WDSUB1: variants seen among roughly 807,000 people sequenced by gnomAD.
The protein encoded by WDSUB1 is WD repeat, sterile alpha motif and U-box domain containing 1.
WDSUB1 carries 49 observed loss-of-function variants against 53.9 expected under a neutral mutation model. The observed-to-expected ratio is 0.91, with a 90% confidence interval of 0.72 to 1.15. The LOEUF (loss-of-function observed/expected upper bound fraction) is 1.15. WDSUB1 is among the 50% of genes most tolerant of loss of function. WDSUB1 has a pLI of 0.00. For synonymous variants in WDSUB1, 194 were observed against 200.6 expected (o/e 0.97, Z 0.28); for missense variants, 514 against 562.0 (o/e 0.91, Z 0.86).
At chr2:159,267,975 C>T (rs530749112) in intron 5 of WDSUB1, among the ~76,000 whole-genome samples, 2 of 152,284 alleles carry the variant, frequency 1.3e-5, no homozygotes, top group African/African-American at 4.8e-5. Context: ...CCCAAAAGCA[C>T]TTGATAATGT....
intron 10 of WDSUB1, among the ~76,000 whole-genome samples, chr2:159,247,490 C>T (rs2060825576): frequency 6.6e-6 from 1 of 151,894 alleles, no homozygotes; most frequent in African/African-American, 2.4e-5. Context: ...ACAATGATCA[C>T]AAAACTGGAA....
At chr2:159,281,193 G>A (rs559579949) in intron 2 of WDSUB1, among the ~76,000 whole-genome samples, 25 of 152,242 alleles carry the variant, frequency 1.6e-4, no homozygotes, top group African/African-American at 5.1e-4. Flanking sequence ...ACTTAAAAGC[G>A]CATGGTTTCT....
intron 5 of WDSUB1, among the ~76,000 whole-genome samples, chr2:159,267,740 C>G (rs781358675): frequency 1.3e-5 from 2 of 152,172 alleles, no homozygotes; most frequent in African/African-American, 2.4e-5. Flanking sequence ...CGTATTCATT[C>G]TATCTTATCA....
chr2:159,248,436 TC>T lies in WDSUB1; in HGVS notation c.1208del (p.Gly403GlufsTer10), dbSNP rs1218257452. On this transcript the variant is annotated frameshift_variant, in exon 10 of 11. Transcript: ENST00000359774. LOFTEE classifies it high-confidence loss of function. ...TTGGACATATAAATTCATCAGGAAT[TC>T]CTGAAGAAAGGGATTTAACCTTGGT... Reference protein sequence around the residue: ...LRTKVKSLSSGIPDEFICPIT... With the variant: ...LRTKVKSLSSXIPDEFICPIT... 3 of 1,607,906 alleles carry T rather than the reference TC, an allele frequency of 1.9e-6. No homozygotes were observed. Among genetic ancestry groups the T allele is most frequent in the Non-Finnish European group, 2.5e-6 (3 of 1,178,162 alleles).
Position 159,283,098 on chromosome 2 carries a change from A to C in WDSUB1, c.-24-5T>G. On this transcript the variant is annotated splice_region_variant and splice_polypyrimidine_tract_variant and intron_variant, in intron 1 of 10. Transcript: ENST00000359774. ...CTTTATTTGAAGAAAAACAGCCTGA[A>C]ATTTTTAAGCAGATAAAGATTATTT... The C allele has an allele frequency of 6.3e-7, 1 of 1,577,018 alleles. No homozygotes were observed. The highest frequency in any genetic ancestry group is 8.6e-7 in the Non-Finnish European group (1 of 1,159,378).
At chr2:159,274,009 G>A (rs1274924029) in intron 4 of WDSUB1, among the ~76,000 whole-genome samples, 2 of 152,122 alleles carry the variant, frequency 1.3e-5, no homozygotes, top group Non-Finnish European at 2.9e-5. Flanking sequence ...GATTCCCCAT[G>A]AAAATGTCAA....
chr2:159,246,792 G>T (rs2060808366), intron 10 of WDSUB1, among the ~76,000 whole-genome samples: 1 of 152,132 alleles, frequency 6.6e-6, no homozygotes, highest in African/African-American at 2.4e-5. Context: ...TCTATGCAAG[G>T]AAACATTACT....
chr2:159,247,894 T>TATATATATAAAAATATATATATATATAA (rs2060840042), intron 10 of WDSUB1, among the ~76,000 whole-genome samples: 4 of 43,832 alleles, frequency 9.1e-5, no homozygotes, highest in Non-Finnish European at 1.6e-4. Context: ...TAAATATATA[T>TATATATATAAAAATATATATATATATAA]ATATATATAT....
At chr2:159,252,978 G>A (rs1273086137) in intron 9 of WDSUB1, among the ~76,000 whole-genome samples, 1 of 152,104 alleles carries the variant, frequency 6.6e-6, no homozygotes, top group Admixed American at 6.6e-5. Context: ...GTCATTTTAA[G>A]TTTCTATCAT....
chr2:159,236,651 G>T (rs1034168797), intron 10 of WDSUB1, among the ~76,000 whole-genome samples: 5 of 149,272 alleles, frequency 3.3e-5, no homozygotes, highest in African/African-American at 1.3e-4. Flanking sequence ...AGGGACTTAG[G>T]TTTTTTTGTT....
intron 10 of WDSUB1, among the ~76,000 whole-genome samples, chr2:159,244,486 A>C (rs887051025): frequency 3.3e-5 from 5 of 152,084 alleles, no homozygotes; most frequent in Non-Finnish European, 7.4e-5. Context: ...AGGGGACAGG[A>C]TGTGTGGTGT....
intron 10 of WDSUB1, among the ~76,000 whole-genome samples, chr2:159,241,309 A>ATGAT (rs1421467255): frequency 6.6e-6 from 1 of 152,206 alleles, no homozygotes; most frequent in African/African-American, 2.4e-5. Flanking sequence ...GTAACATAAG[A>ATGAT]TGATTCTAAA....
chr2:159,246,113 TAGTCAAG>T (rs1290921342), intron 10 of WDSUB1, among the ~76,000 whole-genome samples: 3 of 152,036 alleles, frequency 2.0e-5, no homozygotes, highest in African/African-American at 7.2e-5. Flanking sequence ...TCAACATCAT[TAGTCAAG>T]AGGGAAATGC....
chr2:159,242,726 A>G (rs1341874313), intron 10 of WDSUB1, among the ~76,000 whole-genome samples: 1 of 148,046 alleles, frequency 6.8e-6, no homozygotes, highest in Admixed American at 6.6e-5. Context: ...AAATAACTAG[A>G]AGGATACACC....
intron 3 of WDSUB1, among the ~76,000 whole-genome samples, chr2:159,279,216 AAG>A (rs2061602743): frequency 6.6e-6 from 1 of 152,228 alleles, no homozygotes; most frequent in Admixed American, 6.5e-5. Flanking sequence ...ACTCTAAAGA[AAG>A]AACTTTCCAA....
Position 159,244,862 on chromosome 2 carries a change from C to T in WDSUB1, c.1273+3510G>A, listed in dbSNP as rs2060752694. On this transcript the variant is annotated intron_variant, in intron 10 of 10. Transcript: ENST00000359774. ...GAAGGATTGCTTGAGCCCAGGAGGT[C>T]GAAACTGCAGTGAGTTAAGATTGTG... is the stretch of plus-strand genomic sequence containing the variant. Among the ~76,000 whole-genome samples, 5 of 152,102 alleles carry T rather than the reference C, an allele frequency of 3.3e-5. No individual in the cohort carries two copies. In the South Asian group the frequency reaches 6.2e-4, roughly 19 times the overall value.
At chr2:159,282,553 A>G in intron 2 of WDSUB1, 119 bp downstream of exon 2, 1 of 1,216,470 alleles carries the variant, frequency 8.2e-7, no homozygotes, top group Non-Finnish European at 1.1e-6. Context: ...TCATCAAAAT[A>G]TTTTTCTTTT....
At chr2:159,269,337 A>C (rs1001612460) in intron 5 of WDSUB1, among the ~76,000 whole-genome samples, 5 of 151,888 alleles carry the variant, frequency 3.3e-5, no homozygotes, top group African/African-American at 1.2e-4. Flanking sequence ...TGCCTGGCTA[A>C]TTTTTGTATT....
At chr2:159,253,028 C>T (rs2060983548) in intron 9 of WDSUB1, among the ~76,000 whole-genome samples, 1 of 152,214 alleles carries the variant, frequency 6.6e-6, no homozygotes, top group Non-Finnish European at 1.5e-5. Flanking sequence ...AGATACGTAG[C>T]AATCTGCCGC....
Sources: allele counts gnomAD v4.1 joint callset (sites outside exome capture counted in the v4.1 genomes callset), GRCh38; gene constraint gnomAD v4.1.1; transcripts MANE v1.5; gene names NCBI Gene and HGNC (gene_info 2026-07-23, HGNC 2026-07-21).